Variants in MCTP1 observed in about 807,000 individuals in gnomAD.
MCTP1 encodes multiple C2 and transmembrane domain-containing protein 1.
A neutral mutation model predicts 120.6 loss-of-function variants in MCTP1; 69 were observed. The observed-to-expected ratio is 0.57, with a 90% CI of 0.47 to 0.70. The LOEUF (loss-of-function observed/expected upper bound fraction) is 0.70, where lower values mean the gene tolerates loss of function less well. MCTP1 is among the 30% of genes least tolerant of loss of function. The probability of loss-of-function intolerance (pLI) is 0.00; values close to 1 mark genes in which losing one functional copy is unlikely to be tolerated. For synonymous variants in MCTP1, 529 were observed against 493.1 expected (o/e 1.07, Z -0.96); for missense variants, 1,203 against 1,248.8 (o/e 0.96, Z 0.55).
At chr5:95,075,606 T>TA (rs1387896982) in intron 1 of MCTP1, among the ~76,000 whole-genome samples, 1 of 152,182 alleles carries the variant, frequency 6.6e-6, no homozygotes, top group African/African-American at 2.4e-5. Flanking sequence ...GTCTGATATA[T>TA]AAAAAAACAC....
intron 2 of MCTP1, among the ~76,000 whole-genome samples, chr5:94,998,607 G>C (rs550043864): frequency 2.0e-3 from 307 of 152,246 alleles, no homozygotes; most frequent in African/African-American, 7.1e-3. Flanking sequence ...CAACAGCACT[G>C]ACTGGGCAGG....
chr5:95,043,045 ATTTTGAGAGATC>A (rs934019593), intron 1 of MCTP1, among the ~76,000 whole-genome samples: 7 of 152,084 alleles, frequency 4.6e-5, no homozygotes, highest in Admixed American at 6.6e-5. Flanking sequence ...TATGTTTTCA[ATTTTGAGAGATC>A]TTGTCAAATC....
intron 1 of MCTP1, among the ~76,000 whole-genome samples, chr5:95,121,936 CA>C (rs70978167): frequency 0.012 from 1,314 of 112,718 alleles, 11 homozygotes; most frequent in African/African-American, 0.025. Context: ...TATCCATATG[CA>C]AAAAAAAAAA....
chr5:95,180,215 T>C (rs536126756), intron 1 of MCTP1, among the ~76,000 whole-genome samples: 2 of 152,240 alleles, frequency 1.3e-5, no homozygotes, highest in East Asian at 3.9e-4. Flanking sequence ...ACTTGAATAC[T>C]CCACTGTCAG....
intron 1 of MCTP1, among the ~76,000 whole-genome samples, chr5:95,204,996 T>C (rs1373772982): frequency 6.6e-6 from 1 of 152,086 alleles, no homozygotes; most frequent in Non-Finnish European, 1.5e-5. Context: ...ATTCCTAAAA[T>C]TCATATGGAA....
chr5:94,857,094 C>T (rs1327870755), intron 17 of MCTP1, among the ~76,000 whole-genome samples: 1 of 151,666 alleles, frequency 6.6e-6, no homozygotes, highest in Non-Finnish European at 1.5e-5. Flanking sequence ...CCCATTCACC[C>T]TTTTATGATG....
chr5:95,072,520 T>C (rs1394823108), intron 1 of MCTP1, among the ~76,000 whole-genome samples: 3 of 152,126 alleles, frequency 2.0e-5, no homozygotes, highest in Admixed American at 6.5e-5. Context: ...GGCTTGTGCA[T>C]TGATCATGTG....
intron 1 of MCTP1, among the ~76,000 whole-genome samples, chr5:95,024,792 CT>C (rs1838920978): frequency 6.6e-6 from 1 of 151,774 alleles, no homozygotes; most frequent in East Asian, 1.9e-4. Flanking sequence ...AACAAACTAT[CT>C]GAAAAAGAAA....
intron 2 of MCTP1, among the ~76,000 whole-genome samples, chr5:94,980,395 A>G (rs757356098): frequency 6.6e-6 from 1 of 152,184 alleles, no homozygotes; most frequent in Admixed American, 6.6e-5. Context: ...TTACAAACCC[A>G]GTAACATATG....
At chr5:95,209,563 A>G (rs1752078934) in intron 1 of MCTP1, among the ~76,000 whole-genome samples, 1 of 152,160 alleles carries the variant, frequency 6.6e-6, no homozygotes, top group Non-Finnish European at 1.5e-5. Context: ...TCCAGTCTCA[A>G]TTTACTCTTT....
intron 19 of MCTP1, among the ~76,000 whole-genome samples, chr5:94,737,199 G>C (rs1412556209): frequency 4.6e-5 from 7 of 152,070 alleles, no homozygotes; most frequent in Non-Finnish European, 8.8e-5. Flanking sequence ...ATGTTTTCCA[G>C]GCTGAGGTAG....
chr5:94,809,888 A>G (rs1419069010), intron 17 of MCTP1, among the ~76,000 whole-genome samples: 1 of 152,108 alleles, frequency 6.6e-6, no homozygotes, highest in African/African-American at 2.4e-5. Flanking sequence ...TTTTTCTGGA[A>G]AGACCCACGA....
chr5:95,247,316 A>C (rs1184851605), intron 1 of MCTP1, among the ~76,000 whole-genome samples: 1 of 151,720 alleles, frequency 6.6e-6, no homozygotes, highest in African/African-American at 2.4e-5. Context: ...TGGTCTACCT[A>C]TTTTGTTTAT....
chr5:95,106,000 G>A (rs1757050754), intron 1 of MCTP1, among the ~76,000 whole-genome samples: 1 of 152,184 alleles, frequency 6.6e-6, no homozygotes, highest in Admixed American at 6.5e-5. Context: ...AGATCCCAAG[G>A]AAAGGAGGTT....
intron 20 of MCTP1, among the ~76,000 whole-genome samples, chr5:94,711,671 GACA>G (rs1487211162): frequency 6.6e-6 from 1 of 150,880 alleles, no homozygotes; most frequent in African/African-American, 2.4e-5. Context: ...ACTCAGTATT[GACA>G]ACAAGACATG....
chr5:94,898,965 C>A (rs1428895741), intron 10 of MCTP1, among the ~76,000 whole-genome samples: 4 of 152,152 alleles, frequency 2.6e-5, no homozygotes. Flanking sequence ...CCTTTCTTTG[C>A]AATTCCACAA....
chr5:95,012,082 T>C (rs1249385153), intron 2 of MCTP1, among the ~76,000 whole-genome samples: 3 of 152,114 alleles, frequency 2.0e-5, no homozygotes, highest in Non-Finnish European at 4.4e-5. Context: ...CATTATACCT[T>C]TGTTACTGCT....
intron 1 of MCTP1, among the ~76,000 whole-genome samples, chr5:95,181,078 G>C (rs1007505162): frequency 5.3e-5 from 8 of 152,146 alleles, no homozygotes; most frequent in Admixed American, 6.5e-5. Flanking sequence ...AGCCAGGAAG[G>C]GGTTTTCTTG....
At chr5:94,892,193 T>C (rs1802832890) in intron 11 of MCTP1, among the ~76,000 whole-genome samples, 1 of 152,168 alleles carries the variant, frequency 6.6e-6, no homozygotes, top group Non-Finnish European at 1.5e-5. Context: ...AGAAAATTAA[T>C]GTCACACCAC....
Sources: allele counts gnomAD v4.1 joint callset (sites outside exome capture counted in the v4.1 genomes callset), GRCh38; gene constraint gnomAD v4.1.1; transcripts MANE v1.5; gene names NCBI Gene and HGNC (gene_info 2026-07-23, HGNC 2026-07-21).